The following MGAT5 variants were observed in gnomAD, a reference collection of about 807,000 sequenced individuals.
MGAT5 encodes alpha-1,6-mannosylglycoprotein 6-beta-N-acetylglucosaminyltransferase A.
A neutral mutation model predicts 94.3 loss-of-function variants in MGAT5; 30 were observed. The observed-to-expected ratio is 0.32, with a 90% CI of 0.24 to 0.43. The LOEUF (loss-of-function observed/expected upper bound fraction) is 0.43, where lower values mean the gene tolerates loss of function less well. MGAT5 is among the 20% of genes least tolerant of loss of function. MGAT5 has a pLI of 1.00. For synonymous variants in MGAT5, 310 were observed against 322.9 expected (o/e 0.96, Z 0.43); for missense variants, 691 against 905.5 (o/e 0.76, Z 3.04).
chr2:134,138,710 C>A (rs1234620887), intron 1 of MGAT5, among the ~76,000 whole-genome samples: 1 of 152,152 alleles, frequency 6.6e-6, no homozygotes, highest in African/African-American at 2.4e-5. Flanking sequence ...TGTATATTAG[C>A]TTCCCTTATT....
chr2:134,399,979 A>AT (rs1404049693), intron 10 of MGAT5, among the ~76,000 whole-genome samples: 3 of 152,200 alleles, frequency 2.0e-5, no homozygotes, highest in African/African-American at 4.8e-5. Context: ...AACACAAAAG[A>AT]TAAGAGTGTC....
chr2:134,214,048 T>C (rs547170131), intron 1 of MGAT5, among the ~76,000 whole-genome samples: 29 of 152,338 alleles, frequency 1.9e-4, no homozygotes, highest in African/African-American at 4.8e-4. Context: ...TTTAGGGACC[T>C]CAGCCACCAG....
chr2:134,252,149 G>A (rs934749526), upstream of MGAT5, among the ~76,000 whole-genome samples: 2 of 152,184 alleles, frequency 1.3e-5, no homozygotes, highest in Non-Finnish European at 2.9e-5. Flanking sequence ...CTGGAGCCCT[G>A]GGGAAAGTGG....
At chr2:134,195,088 T>G (rs1216821979) in intron 1 of MGAT5, among the ~76,000 whole-genome samples, 1 of 152,150 alleles carries the variant, frequency 6.6e-6, no homozygotes, top group Non-Finnish European at 1.5e-5. Context: ...CAGAACACAG[T>G]CGGCATCCAT....
intron 1 of MGAT5, among the ~76,000 whole-genome samples, chr2:134,183,034 C>T (rs1688825987): frequency 1.3e-5 from 2 of 152,110 alleles, no homozygotes; most frequent in Admixed American, 1.3e-4. Flanking sequence ...TCGTGATCCA[C>T]CCGCCTCGGC....
chr2:134,271,662 T>C (rs1373017361), intron 2 of MGAT5, among the ~76,000 whole-genome samples: 1 of 152,210 alleles, frequency 6.6e-6, no homozygotes, highest in Non-Finnish European at 1.5e-5. Flanking sequence ...CTTTGCCCTT[T>C]AGCAAATTTT....
At chr2:134,173,609 C>T (rs535981025) in intron 1 of MGAT5, among the ~76,000 whole-genome samples, 24 of 152,172 alleles carry the variant, frequency 1.6e-4, no homozygotes, top group Non-Finnish European at 3.1e-4. Flanking sequence ...AATATGTTGT[C>T]GCTTTCCCCC....
In MGAT5 at chr2:134,441,886, G is replaced by C; in HGVS notation, c.1998G>C (p.Gln666His). 1.9e-6 allele frequency: 3 copies of C among 1,613,622 alleles called. No homozygotes were observed. The highest frequency in any genetic ancestry group is 1.7e-6 in the Non-Finnish European group (2 of 1,179,810). ...SQLICEPSFF[Q>H]HLNKDKDMLK... ...TCATCTGCGAGCCTTCTTTCTTCCA[G>C]CACCTCAACAAGGACAAGGACATGC... The change falls in exon 15 of 16, where the codon CAG becomes CAC. Residue 666 changes from glutamine (Q) to histidine (H), a missense_variant. By Grantham distance (24) the Gln-to-His change is conservative. Around this residue, in one of 4 missense-constraint regions of MGAT5, gnomAD observed 260 missense variants for 347.0 expected, o/e 0.75. Transcript: ENST00000281923.
At chr2:134,121,241 C>T (rs1033589899) in intron 1 of MGAT5, among the ~76,000 whole-genome samples, 1 of 152,254 alleles carries the variant, frequency 6.6e-6, no homozygotes, top group African/African-American at 2.4e-5. Context: ...CCCCTGCTCC[C>T]CGTGGCGGGG....
intron 1 of MGAT5, among the ~76,000 whole-genome samples, chr2:134,138,628 G>A (rs1313818897): frequency 2.0e-5 from 3 of 152,200 alleles, no homozygotes; most frequent in African/African-American, 7.2e-5. Context: ...GGTAGCTGGT[G>A]TACTGGGAAT....
chr2:134,326,455 A>G (rs116410270), intron 4 of MGAT5, among the ~76,000 whole-genome samples: 2,456 of 152,136 alleles, frequency 0.016, 65 homozygotes, highest in African/African-American at 0.055. Context: ...TGGTATGCCA[A>G]GATCTTCCAG....
At chr2:134,248,962 G>C (rs1292936614) in intron 1 of MGAT5, among the ~76,000 whole-genome samples, 4 of 151,988 alleles carry the variant, frequency 2.6e-5, no homozygotes, top group African/African-American at 9.7e-5. Context: ...GCATTTGCCA[G>C]ACAAGGTGGG....
At chr2:134,169,483 A>C (rs1688109605) in intron 1 of MGAT5, among the ~76,000 whole-genome samples, 1 of 151,990 alleles carries the variant, frequency 6.6e-6, no homozygotes, top group Non-Finnish European at 1.5e-5. Context: ...TCCATCTACA[A>C]ATGCTTTCAC....
chr2:134,141,099 A>G (rs1202288215), intron 1 of MGAT5, among the ~76,000 whole-genome samples: 3 of 152,164 alleles, frequency 2.0e-5, no homozygotes, highest in African/African-American at 7.2e-5. Flanking sequence ...TTATTGAGAG[A>G]GTTATCTAGG....
chr2:134,419,865 A>G (rs1362462278), intron 12 of MGAT5, among the ~76,000 whole-genome samples: 1 of 152,214 alleles, frequency 6.6e-6, no homozygotes, highest in East Asian at 1.9e-4. Context: ...CTAAATAGTG[A>G]CATTGATGGC....
chr2:134,333,644 G>A (rs984302786), intron 4 of MGAT5, among the ~76,000 whole-genome samples: 6 of 152,022 alleles, frequency 3.9e-5, no homozygotes, highest in African/African-American at 1.4e-4. Flanking sequence ...AGCTTTATTG[G>A]TAGCATCCTC....
At chr2:134,151,625 C>CTCAT (rs1380727563) in intron 1 of MGAT5, among the ~76,000 whole-genome samples, 3 of 112,008 alleles carry the variant, frequency 2.7e-5, no homozygotes, top group Admixed American at 8.0e-5. Flanking sequence ...ACCTCACTCA[C>CTCAT]GCCCTATGGG....
At position 134,240,051 on chromosome 2, in the gene MGAT5, A is replaced by G. The variant is rs537783791; in HGVS notation, c.-142-14211A>G. ...ACCTAGATGAATATTCTTGATATGA[A>G]GATGAAAAAAAAATTTCTTCCAAAG... On this transcript the variant is annotated intron_variant, in intron 1 of 16. Coordinates refer to the MGAT5 transcript ENST00000409645. Among the ~76,000 whole-genome samples, 6 of 152,284 alleles carry G rather than the reference A, an allele frequency of 3.9e-5. No homozygotes were observed. In the East Asian group the frequency reaches 1.2e-3, roughly 29 times the overall value.
chr2:134,307,506 G>A lies in MGAT5; in HGVS notation c.407-10023G>A, dbSNP rs781311826. Among the ~76,000 whole-genome samples, 20 of 151,994 alleles carry A rather than the reference G, an allele frequency of 1.3e-4. No individual in the cohort carries two copies. In the East Asian group the frequency reaches 3.1e-3, roughly 24 times the overall value. On this transcript the variant is annotated intron_variant, in intron 2 of 15. Coordinates refer to ENST00000281923, the MANE Select transcript of MGAT5 (RefSeq NM_002410.5). ...CCCCTGGCCATTGTACTGAAACTCC[G>A]CAAGTGTTTTCAGTTGCCTTCCGGT...
Sources: gnomAD v4.1 joint callset for allele counts (sites outside exome capture counted in the v4.1 genomes callset) on GRCh38, gnomAD v4.1.1 for gene constraint, gnomAD v4.1.1 regional missense constraint, MANE v1.5 for transcripts, NCBI Gene and HGNC (gene_info 2026-07-23, HGNC 2026-07-21) for gene names.